TBC1D12: variants seen among roughly 807,000 people sequenced by gnomAD.
The protein encoded by TBC1D12 is TBC1 domain family, member 12.
Under a neutral mutation model 86.7 loss-of-function variants are expected in TBC1D12, and 56 were observed. That is an observed-to-expected ratio of 0.65 (90% CI 0.52 to 0.81). TBC1D12 has a LOEUF of 0.81. TBC1D12 is among the 30% of genes least tolerant of loss of function. The pLI is 0.00. For synonymous variants in TBC1D12, 421 were observed against 411.7 expected (o/e 1.02, Z -0.27); for missense variants, 1,023 against 1,038.8 (o/e 0.98, Z 0.21).
At chr10:94,523,098 C>A (rs947094244) in intron 11 of TBC1D12, among the ~76,000 whole-genome samples, 1 of 129,630 alleles carries the variant, frequency 7.7e-6, no homozygotes, top group African/African-American at 2.9e-5. Flanking sequence ...TAGGCTGCAG[C>A]AGGACAATTG....
intron 1 of TBC1D12, among the ~76,000 whole-genome samples, chr10:94,431,520 G>A (rs546217747): frequency 6.6e-6 from 1 of 152,142 alleles, no homozygotes; most frequent in East Asian, 1.9e-4. Flanking sequence ...TAAATACTTG[G>A]GGTTTGGGAA....
chr10:94,516,561 TC>T (rs1841997649), intron 9 of TBC1D12, among the ~76,000 whole-genome samples: 2 of 91,498 alleles, frequency 2.2e-5, no homozygotes, highest in Admixed American at 1.4e-4. Context: ...ATGCTATCCC[TC>T]CCCCCTCCCC....
chr10:94,413,250 C>G (rs1274281844), intron 1 of TBC1D12, among the ~76,000 whole-genome samples: 1 of 152,144 alleles, frequency 6.6e-6, no homozygotes, highest in Non-Finnish European at 1.5e-5. Flanking sequence ...TTATTTCGGA[C>G]AAATTCATTC....
intron 8 of TBC1D12, among the ~76,000 whole-genome samples, chr10:94,511,095 C>CTTTTTTTTTTTTTTTT (rs3053917): frequency 1.5e-5 from 1 of 66,828 alleles, no homozygotes; most frequent in Non-Finnish European, 2.7e-5. Context: ...GTAAATATTT[C>CTTTTTTTTTTTTTTTT]TTTTTTTTTT....
chr10:94,533,039 T>C lies in TBC1D12; in HGVS notation c.2271T>C (p.Ser757=). 6.3e-7 allele frequency: 1 copy of C among 1,579,596 alleles called. No homozygotes were observed. Among genetic ancestry groups the C allele is most frequent in the Non-Finnish European group, 8.6e-7 (1 of 1,159,268 alleles). Residue 757 remains serine (S), a synonymous_variant, in exon 13 of 13, where the codon TCT becomes TCC. Coordinates refer to ENST00000225235, the MANE Select transcript of TBC1D12 (RefSeq NM_015188.2). ...TATATAATTTTCAGGTCTTTGCATC[T>C]GTAATGAAGGATATTAAAGAAGGAG... ...STKKWTQVFA[S]VMKDIKEGDK...
At chr10:94,524,729 A>T (rs1434858602) in intron 11 of TBC1D12, among the ~76,000 whole-genome samples, 3 of 133,176 alleles carry the variant, frequency 2.3e-5, no homozygotes, top group East Asian at 2.1e-4. Context: ...AGACTCCATT[A>T]AAAAAAAAAA....
At position 94,533,159 on chromosome 10, in the gene TBC1D12, T is replaced by G; in HGVS notation, c.*63T>G. The G allele has an allele frequency of 4.6e-6, 5 of 1,086,234 alleles. No homozygotes were observed. Among genetic ancestry groups the G allele is most frequent in the Non-Finnish European group, 6.6e-6 (5 of 755,006 alleles). 67.3% of individuals were successfully genotyped at this position (1,086,234 alleles called of 1,614,324 possible). A position where few individuals can be genotyped will look rare whatever the true frequency, so the allele number is the denominator to read the frequency against. On this transcript the variant is annotated 3_prime_UTR_variant, in exon 13 of 13. Transcript: ENST00000225235. ...GGTTTTTGGATAAAGGTTTTTTGTTTCCTATGTAAAAGGCGTGGAAGAAAA... is the reference window on the plus strand; with the variant it reads ...GGTTTTTGGATAAAGGTTTTTTGTTGCCTATGTAAAAGGCGTGGAAGAAAA...
intron 2 of TBC1D12, among the ~76,000 whole-genome samples, chr10:94,464,004 A>G (rs1289522178): frequency 6.6e-6 from 1 of 151,906 alleles, no homozygotes; most frequent in Non-Finnish European, 1.5e-5. Context: ...GTCATCAATG[A>G]TATGTCCTTT....
At position 94,404,397 on chromosome 10, in the gene TBC1D12, G is replaced by T. The variant is rs1470005111; in HGVS notation, c.971+813G>T. 3.3e-5 allele frequency among the ~76,000 whole-genome samples: 5 copies of T among 152,162 alleles called. 2 individuals are homozygous for T. The South Asian group carries it at 1.0e-3, about 32-fold the overall frequency. ...GCGGTGGCTCACGCCTGTAATTCCA[G>T]CACTTTGGGAGGCTGAGGCGGGCGG... On this transcript the variant is annotated intron_variant, in intron 1 of 12. Transcript: ENST00000225235.
At chr10:94,441,283 A>C (rs2055377339) in intron 1 of TBC1D12, among the ~76,000 whole-genome samples, 1 of 151,922 alleles carries the variant, frequency 6.6e-6, no homozygotes, top group Non-Finnish European at 1.5e-5. Flanking sequence ...ATATTATAGC[A>C]ATAGGGGATT....
Position 94,531,403 on chromosome 10 carries a change from G to T in TBC1D12, c.2202G>T (p.Lys734Asn). 1.2e-6 allele frequency: 2 copies of T among 1,614,068 alleles called. No individual in the cohort carries two copies. Among genetic ancestry groups the T allele is most frequent in the Non-Finnish European group, 1.7e-6 (2 of 1,180,012 alleles). ...TGCCAGAAGATATCACATCGGAAAAGCTGTTCAGTTGTATTGCAGCCATTC... is the reference window on the plus strand; with the variant it reads ...TGCCAGAAGATATCACATCGGAAAATCTGTTCAGTTGTATTGCAGCCATTC... ...TKLPEDITSEKLFSCIAAIQM... is the reference protein window; with the variant it reads ...TKLPEDITSENLFSCIAAIQM... The change falls in exon 12 of 13, where the codon AAG becomes AAT. Residue 734 changes from lysine to asparagine, a missense_variant. This residue lies in a region of TBC1D12 where 395 missense variants were observed against 507.7 expected (regional missense o/e 0.78). Transcript: ENST00000225235.
intron 2 of TBC1D12, among the ~76,000 whole-genome samples, chr10:94,455,318 A>C (rs11187958): frequency 0.36 from 55,296 of 151,840 alleles, 10,681 homozygotes; most frequent in East Asian, 0.7. Flanking sequence ...TTTTGCATTT[A>C]TGTTTATAAG....
chr10:94,402,973 G>C lies in TBC1D12; in HGVS notation c.360G>C (p.Ala120=). Residue 120 remains alanine, a synonymous_variant, in exon 1 of 13, where the codon GCG becomes GCC. Coordinates refer to ENST00000225235, the MANE Select transcript of TBC1D12 (RefSeq NM_015188.2). ...GCTCGGGCTCCAAACACCGCGGCGC[G>C]GAGGTGGCTGATGGCCGCGCGCCGC... is the stretch of plus-strand genomic sequence containing the variant. ...LLGSGSKHRG[A]EVADGRAPRH... 1.3e-6 allele frequency: 2 copies of C among 1,575,860 alleles called. No homozygotes were observed. The highest frequency in any genetic ancestry group is 1.7e-6 in the Non-Finnish European group (2 of 1,165,688).
rs1396920433 is a variant in TBC1D12 at position 94,534,439 on chromosome 10, G to A, written c.*1343G>A. ...TCCTCACATTGGCCACTTTGCATAGGTTCGGGAACTTAGCAGGTTTTAAAT... is the reference window on the plus strand; with the variant it reads ...TCCTCACATTGGCCACTTTGCATAGATTCGGGAACTTAGCAGGTTTTAAAT... On this transcript the variant is annotated 3_prime_UTR_variant, in exon 13 of 13. Coordinates refer to ENST00000225235, the MANE Select transcript of TBC1D12 (RefSeq NM_015188.2). 1 of 152,122 alleles carries A rather than the reference G, an allele frequency of 6.6e-6. No homozygotes were observed. The highest frequency in any genetic ancestry group is 2.4e-5 in the African/African-American group (1 of 41,424). 9.4% of individuals were successfully genotyped at this position (152,122 alleles called of 1,614,324 possible). A position where few individuals can be genotyped will look rare whatever the true frequency, so the allele number is the denominator to read the frequency against.
chr10:94,468,292 T>C (rs1485109550), intron 2 of TBC1D12, among the ~76,000 whole-genome samples: 1 of 152,230 alleles, frequency 6.6e-6, no homozygotes, highest in Non-Finnish European at 1.5e-5. Context: ...TTTATCTCTT[T>C]GTGTATATTC....
At chr10:94,487,783 A>G (rs1296246680) in intron 3 of TBC1D12, among the ~76,000 whole-genome samples, 2 of 138,834 alleles carry the variant, frequency 1.4e-5, no homozygotes, top group African/African-American at 5.4e-5. Flanking sequence ...TGTGGCCTCT[A>G]TCTCCTGCGA....
At position 94,510,197 on chromosome 10, in the gene TBC1D12, G is replaced by C. The variant is rs570730942; in HGVS notation, c.1689+18G>C. ...TTCAGAAGGTGAGGGTTTCTAACCA[G>C]CTTGTAATTACTTAAAAAAAATCTA... On this transcript the variant is annotated intron_variant, in intron 8 of 12. Transcript: ENST00000225235. 2.0e-5 allele frequency: 30 copies of C among 1,513,654 alleles called. No homozygotes were observed. The South Asian group carries it at 3.3e-4, about 17-fold the overall frequency. 93.8% of individuals were successfully genotyped at this position (1,513,654 alleles called of 1,614,324 possible). A position where few individuals can be genotyped will look rare whatever the true frequency, so the allele number is the denominator to read the frequency against.
chr10:94,441,351 A>T (rs752155842), intron 1 of TBC1D12, among the ~76,000 whole-genome samples: 10 of 152,036 alleles, frequency 6.6e-5, no homozygotes, highest in Non-Finnish European at 1.2e-4. Context: ...ATTTATCCAA[A>T]TATTGTATTA....
At chr10:94,411,140 A>G (rs538053487) in intron 1 of TBC1D12, among the ~76,000 whole-genome samples, 15 of 152,202 alleles carry the variant, frequency 9.9e-5, no homozygotes, top group Non-Finnish European at 2.2e-4. Flanking sequence ...GCCTTAGGGT[A>G]ATCATGATAG....
Sources: gnomAD v4.1 joint callset for allele counts (sites outside exome capture counted in the v4.1 genomes callset) on GRCh38, gnomAD v4.1.1 for gene constraint, gnomAD v4.1.1 regional missense constraint, MANE v1.5 for transcripts, NCBI Gene and HGNC (gene_info 2026-07-23, HGNC 2026-07-21) for gene names.